Variants in PVT1 observed in about 807,000 individuals in gnomAD.
PVT1 encodes CXCR4/PVT1 fusion.
In PVT1 at chr8:127,995,852, C is replaced by T. The variant is rs1256712768; in HGVS notation, n.912+6561C>T. ...CAAATGAAGGAATCTTCCTGCGGAA[C>T]GTATGTGAAGCGCATATTGGTGCTC... On this transcript the variant is annotated intron_variant and non_coding_transcript_variant, in intron 4 of 10. Transcript: ENST00000651587. Among the ~76,000 whole-genome samples, 109 of 152,092 alleles carry T rather than the reference C, an allele frequency of 7.2e-4. 2 individuals are homozygous for T. The highest frequency in any genetic ancestry group is 6.9e-3 in the Admixed American group (105 of 15,270).
intron 2 of PVT1, among the ~76,000 whole-genome samples, chr8:127,837,123 A>C (rs1046428360): frequency 6.6e-6 from 1 of 151,686 alleles, no homozygotes; most frequent in Non-Finnish European, 1.5e-5. Flanking sequence ...ACTGACAAAC[A>C]CCCCCACGCC....
intron 2 of PVT1, among the ~76,000 whole-genome samples, chr8:127,837,667 A>G (rs776596018): frequency 2.1e-4 from 32 of 152,052 alleles, no homozygotes; most frequent in Non-Finnish European, 7.4e-5. Context: ...TTCAGTTGTT[A>G]GTTACAAAGT....
At chr8:128,074,981 C>T (rs1440567616) in intron 5 of PVT1, among the ~76,000 whole-genome samples, 14 of 152,226 alleles carry the variant, frequency 9.2e-5, no homozygotes, top group Non-Finnish European at 8.8e-5. Flanking sequence ...ACAAAACCAT[C>T]TCTCTCCGTT....
In PVT1 at chr8:128,090,045, A is replaced by G. The variant is rs548804176; in HGVS notation, n.1115-6473A>G. ...ATTTCAAAGGATTGCAAAGAAAACC[A>G]ATTGTGTTGAATTCAGTTCTATGCA... On this transcript the variant is annotated intron_variant and non_coding_transcript_variant, in intron 5 of 10. Transcript: ENST00000651587. Among the ~76,000 whole-genome samples, 6 of 152,332 alleles carry G rather than the reference A, an allele frequency of 3.9e-5. No individual in the cohort carries two copies. The East Asian group carries it at 1.2e-3, about 29-fold the overall frequency.
At chr8:127,941,615 A>T (rs934129267) in intron 3 of PVT1, among the ~76,000 whole-genome samples, 1 of 152,254 alleles carries the variant, frequency 6.6e-6, no homozygotes, top group Non-Finnish European at 1.5e-5. Context: ...CTAGTGGTAG[A>T]AATGTCATGC....
At chr8:128,058,102 A>G (rs1401910767) in intron 4 of PVT1, among the ~76,000 whole-genome samples, 3 of 152,214 alleles carry the variant, frequency 2.0e-5, no homozygotes, top group Non-Finnish European at 4.4e-5. Context: ...TTACCTGACC[A>G]GCTTTCCTAC....
At chr8:128,063,843 A>T (rs551099721) in intron 4 of PVT1, among the ~76,000 whole-genome samples, 1 of 152,356 alleles carries the variant, frequency 6.6e-6, no homozygotes, top group East Asian at 1.9e-4. Flanking sequence ...GAGTGGATGT[A>T]AAGTGTTCTT....
intron 3 of PVT1, among the ~76,000 whole-genome samples, chr8:127,952,793 C>T (rs956155511): frequency 1.3e-5 from 2 of 148,462 alleles, no homozygotes; most frequent in Admixed American, 1.3e-4. Context: ...GAGACGGAGT[C>T]TCGCTCTGTG....
chr8:127,871,260 G>A (rs893304739), intron 2 of PVT1, among the ~76,000 whole-genome samples: 5 of 152,222 alleles, frequency 3.3e-5, no homozygotes, highest in African/African-American at 4.8e-5. Flanking sequence ...TTGGCCTGGA[G>A]TTAGCACATA....
chr8:127,904,805 G>A (rs1398728597), intron 3 of PVT1, among the ~76,000 whole-genome samples: 2 of 152,222 alleles, frequency 1.3e-5, no homozygotes, highest in African/African-American at 4.8e-5. Flanking sequence ...GTGGGGCTCA[G>A]TGCAAAATGA....
intron 4 of PVT1, among the ~76,000 whole-genome samples, chr8:128,043,519 G>A (rs532971933): frequency 3.5e-4 from 54 of 152,222 alleles, no homozygotes; most frequent in East Asian, 2.1e-3. Context: ...GCATTCGCTC[G>A]CTCATAGAAG....
intron 4 of PVT1, among the ~76,000 whole-genome samples, chr8:128,032,152 G>T (rs555400000): frequency 2.6e-5 from 4 of 152,298 alleles, no homozygotes; most frequent in Admixed American, 6.5e-5. Flanking sequence ...CTTAAGAGAC[G>T]GCTGAAGACC....
At chr8:128,091,176 C>T (rs1814346105) in intron 5 of PVT1, among the ~76,000 whole-genome samples, 1 of 152,170 alleles carries the variant, frequency 6.6e-6, no homozygotes, top group South Asian at 2.1e-4. Flanking sequence ...TGGGGGCGAT[C>T]ACTCCTCTGT....
At chr8:128,090,293 G>C (rs886391261) in intron 5 of PVT1, among the ~76,000 whole-genome samples, 1 of 152,202 alleles carries the variant, frequency 6.6e-6, no homozygotes, top group Non-Finnish European at 1.5e-5. Flanking sequence ...CCTTTGGTGA[G>C]CTTATGGTTT....
chr8:128,028,719 C>T (rs758283122), intron 4 of PVT1, among the ~76,000 whole-genome samples: 31 of 152,336 alleles, frequency 2.0e-4, no homozygotes, highest in East Asian at 1.9e-3. Flanking sequence ...AAGTCTTCAA[C>T]AGGAGTTGTG....
intron 3 of PVT1, among the ~76,000 whole-genome samples, chr8:127,975,089 A>G (rs1816809101): frequency 6.6e-6 from 1 of 152,246 alleles, no homozygotes; most frequent in Non-Finnish European, 1.5e-5. Context: ...TAAAGTGCCT[A>G]GTAGTTTGCC....
At chr8:127,860,264 C>T (rs1464261033) in intron 2 of PVT1, among the ~76,000 whole-genome samples, 1 of 152,188 alleles carries the variant, frequency 6.6e-6, no homozygotes. Context: ...CACTGGGGTG[C>T]GGTGTGGGAC....
intron 2 of PVT1, among the ~76,000 whole-genome samples, chr8:127,815,260 C>T (rs1586391002): frequency 6.6e-6 from 1 of 152,360 alleles, no homozygotes; most frequent in East Asian, 1.9e-4. Flanking sequence ...AGCCACCGTG[C>T]CCCACCTTAG....
intron 5 of PVT1, among the ~76,000 whole-genome samples, chr8:128,088,546 T>G (rs1814287336): frequency 6.6e-6 from 1 of 152,256 alleles, no homozygotes; most frequent in Non-Finnish European, 1.5e-5. Flanking sequence ...GTCTACCTAC[T>G]TACTATTGTT....
Sources: allele counts gnomAD v4.1 joint callset (sites outside exome capture counted in the v4.1 genomes callset), GRCh38; gene constraint gnomAD v4.1.1; transcripts MANE v1.5; gene names NCBI Gene and HGNC (gene_info 2026-07-23, HGNC 2026-07-21).